Variants in FRY observed in about 807,000 individuals in gnomAD.
FRY encodes the protein protein furry homolog.
Under a neutral mutation model 348.4 loss-of-function variants are expected in FRY, and 128 were observed. The ratio of observed to expected loss-of-function variants is 0.37; its 90% confidence interval spans 0.32 to 0.43. FRY has a LOEUF of 0.43. FRY is among the 20% of genes least tolerant of loss of function. The pLI is 1.00. For synonymous variants in FRY, 1,370 were observed against 1,374.7 expected (o/e 1.00, Z 0.08); for missense variants, 2,736 against 3,695.2 (o/e 0.74, Z 6.73).
chr13:32,180,111 G>A (rs983857680), intron 23 of FRY, among the ~76,000 whole-genome samples: 1 of 152,178 alleles, frequency 6.6e-6, no homozygotes, highest in African/African-American at 2.4e-5. Context: ...CTGTTCAGAG[G>A]TTATCACATC....
intron 58 of FRY, 75 bp from the exon 59 acceptor site, chr13:32,289,558 C>A: frequency 1.1e-6 from 1 of 904,034 alleles, no homozygotes; most frequent in Non-Finnish European, 1.9e-6. Flanking sequence ...AGTTTGTCTC[C>A]ATTGAGATTT....
chr13:32,178,934 A>C lies in FRY; in HGVS notation c.2772A>C (p.Gly924=), dbSNP rs896212372. The C allele has an allele frequency of 7.4e-6, 12 of 1,613,286 alleles. No homozygotes were observed. Among genetic ancestry groups the C allele is most frequent in the Middle Eastern group, 1.6e-4 (1 of 6,084 alleles). Residue 924 remains glycine, a synonymous_variant, in exon 22 of 61, where the codon GGA becomes GGC. Coordinates refer to ENST00000542859, the MANE Select transcript of FRY (RefSeq NM_023037.3). ...GAAATTACCTAATTCTTTGTTTTGG[A>C]GTTGCAAAACCCAGTATTATGAGCC... ...LWRNYLILCF[G]VAKPSIMSPG...
intron 31 of FRY, among the ~76,000 whole-genome samples, chr13:32,203,498 T>A (rs1884168333): frequency 6.6e-6 from 1 of 152,064 alleles, no homozygotes. Flanking sequence ...CGAGGAGGGC[T>A]AATCACCTGA....
chr13:32,261,339 A>G (rs1250318875), intron 51 of FRY, among the ~76,000 whole-genome samples: 1 of 152,194 alleles, frequency 6.6e-6, no homozygotes, highest in African/African-American at 2.4e-5. Context: ...GGTAGTGTTT[A>G]CCAAAATCAA....
In FRY at chr13:32,124,494, CTT is replaced by C. The variant is rs370190946; in HGVS notation, c.556-107_556-106del. ...GAATTCCAAATACTGGGTTATATGA[CTT>C]ATGTTTATTGATTGCTATTGATTGT... On this transcript the variant is annotated intron_variant, in intron 5 of 60. Transcript: ENST00000542859. 3.1e-4 allele frequency: 267 copies of C among 871,226 alleles called. No homozygotes were observed. The African/African-American group carries it at 4.0e-3, about 13-fold the overall frequency. 54.0% of individuals were successfully genotyped at this position (871,226 alleles called of 1,614,324 possible). A position where few individuals can be genotyped will look rare whatever the true frequency, so the allele number is the denominator to read the frequency against.
At chr13:32,274,483 G>A (rs546081186) in intron 55 of FRY, among the ~76,000 whole-genome samples, 45 of 150,312 alleles carry the variant, frequency 3.0e-4, no homozygotes, top group Admixed American at 1.1e-3. Flanking sequence ...CGAGGCGGGC[G>A]GATCACAAGG....
Position 32,218,826 on chromosome 13 carries a change from A to G in FRY, c.4760A>G (p.Asp1587Gly), listed in dbSNP as rs1167127785. Reference sequence around the variant, plus strand: ...AGCTCTGGAGGATCCTACGATGAAGATAAAAGTAAGTACCAACAGGCTGTG... The same window carrying G: ...AGCTCTGGAGGATCCTACGATGAAGGTAAAAGTAAGTACCAACAGGCTGTG... ...SNSSGGSYDE[D>G]KNDPISPYTG... The change falls in exon 36 of 61, where the codon GAT becomes GGT. Residue 1587 changes from aspartate (D) to glycine (G), a missense_variant. Around this residue, in one of 9 missense-constraint regions of FRY, gnomAD observed 794 missense variants for 977.0 expected, o/e 0.81. Coordinates refer to ENST00000542859, the MANE Select transcript of FRY (RefSeq NM_023037.3). 5 of 1,585,476 alleles carry G rather than the reference A, an allele frequency of 3.2e-6. No individual in the cohort carries two copies. Among genetic ancestry groups the G allele is most frequent in the Non-Finnish European group, 4.3e-6 (5 of 1,153,950 alleles).
At chr13:32,176,875 T>C (rs970141926) in intron 20 of FRY, among the ~76,000 whole-genome samples, 1 of 152,188 alleles carries the variant, frequency 6.6e-6, no homozygotes, top group Non-Finnish European at 1.5e-5. Flanking sequence ...TTTGGTGAGA[T>C]CAGCATTATA....
chr13:32,104,563 A>C lies in FRY; in HGVS notation c.324+2547A>C, dbSNP rs867304143. Among the ~76,000 whole-genome samples the C allele has an allele frequency of 4.6e-5, 7 of 152,366 alleles. No individual in the cohort carries two copies. In the South Asian group the frequency reaches 1.4e-3, roughly 32 times the overall value. ...ATAGGTCACATAGGATTGTCCTCTG[A>C]TCATTACATCATAAACTCACAAATG... On this transcript the variant is annotated intron_variant, in intron 3 of 60. Coordinates refer to ENST00000542859, the MANE Select transcript of FRY (RefSeq NM_023037.3).
intron 23 of FRY, among the ~76,000 whole-genome samples, chr13:32,181,988 G>A (rs1347450392): frequency 6.6e-6 from 1 of 152,150 alleles, no homozygotes; most frequent in African/African-American, 2.4e-5. Flanking sequence ...TCTAATGTCT[G>A]CATTGGAGAA....
intron 2 of FRY, among the ~76,000 whole-genome samples, chr13:32,096,127 T>C (rs1325049262): frequency 1.3e-5 from 2 of 152,164 alleles, no homozygotes; most frequent in Admixed American, 1.3e-4. Flanking sequence ...TTGTTCTCTT[T>C]ATTTTTTAGC....
chr13:32,082,298 C>T (rs1052645609), intron 2 of FRY, among the ~76,000 whole-genome samples: 2 of 150,134 alleles, frequency 1.3e-5, no homozygotes, highest in Non-Finnish European at 3.0e-5. Flanking sequence ...AAATATCTTT[C>T]TCTTGTTCTG....
intron 54 of FRY, among the ~76,000 whole-genome samples, chr13:32,266,711 C>T (rs935044244): frequency 3.3e-5 from 5 of 152,170 alleles, no homozygotes; most frequent in East Asian, 3.8e-4. Flanking sequence ...TTGCCAGGTG[C>T]GGTGGCACAC....
At chr13:32,248,324 T>C (rs1346806108) in intron 48 of FRY, among the ~76,000 whole-genome samples, 1 of 151,210 alleles carries the variant, frequency 6.6e-6, no homozygotes, top group Non-Finnish European at 1.5e-5. Flanking sequence ...TAAGTAGGAG[T>C]TGAACAAAGA....
chr13:32,050,013 G>A (rs551461315), intron 1 of FRY, among the ~76,000 whole-genome samples: 20 of 152,272 alleles, frequency 1.3e-4, no homozygotes, highest in African/African-American at 4.6e-4. Context: ...CTCTCTTGAC[G>A]ATACTCAATT....
At chr13:32,286,361 T>TAA (rs925908428) in intron 58 of FRY, among the ~76,000 whole-genome samples, 1 of 151,216 alleles carries the variant, frequency 6.6e-6, no homozygotes, top group Admixed American at 6.6e-5. Context: ...CAATTTGATT[T>TAA]AAAAAAAAAT....
At chr13:32,192,083 G>C (rs1883370251) in intron 28 of FRY, among the ~76,000 whole-genome samples, 1 of 152,130 alleles carries the variant, frequency 6.6e-6, no homozygotes, top group Non-Finnish European at 1.5e-5. Context: ...GAGTGCCCAG[G>C]GGAGGGTTCA....
chr13:32,093,200 CAA>C (rs1165716585), intron 2 of FRY, among the ~76,000 whole-genome samples: 1 of 152,140 alleles, frequency 6.6e-6, no homozygotes, highest in Non-Finnish European at 1.5e-5. Context: ...CTTCTCTAAA[CAA>C]AACTGCAATA....
At chr13:32,140,787 T>A (rs1880016280) in intron 11 of FRY, among the ~76,000 whole-genome samples, 1 of 152,210 alleles carries the variant, frequency 6.6e-6, no homozygotes, top group Admixed American at 6.5e-5. Context: ...AATATTTGTA[T>A]GTAATAATTG....
Sources: gnomAD v4.1 joint callset for allele counts (sites outside exome capture counted in the v4.1 genomes callset) on GRCh38, gnomAD v4.1.1 for gene constraint, gnomAD v4.1.1 regional missense constraint, MANE v1.5 for transcripts, NCBI Gene and HGNC (gene_info 2026-07-23, HGNC 2026-07-21) for gene names.